The following LMO2 variants were observed in gnomAD, a reference collection of about 807,000 sequenced individuals.
LMO2 encodes LIM domain only 2, also known as rhombotin-2.
In LMO2, 20 loss-of-function variants were observed where a neutral mutation model predicts 23.2. That is an observed-to-expected ratio of 0.86 (90% CI 0.61 to 1.25). The LOEUF is 1.25. Ranked by LOEUF, LMO2 falls within the 50% of genes most tolerant of loss-of-function variation. The pLI is 0.00. For missense variants in LMO2, 270 were observed against 315.3 expected (o/e 0.86, Z 1.09); for synonymous variants, 123 against 130.2 (o/e 0.94, Z 0.38).
chr11:33,875,807 C>T (rs1359783030), intron 2 of LMO2, among the ~76,000 whole-genome samples: 2 of 152,194 alleles, frequency 1.3e-5, no homozygotes, highest in East Asian at 3.9e-4. Context: ...TCTTTGTGCT[C>T]TTTGTTTAGG....
rs1277246003 is a variant in LMO2 at position 33,859,402 on chromosome 11, C to T, written c.638G>A (p.Cys213Tyr). The T allele has an allele frequency of 6.2e-7, 1 of 1,614,050 alleles. No homozygotes were observed. Residue 213 changes from cysteine to tyrosine, a missense_variant, in exon 6 of 6, where the codon TGC (cysteine) becomes TAC (tyrosine). Transcript: ENST00000257818. Reference protein sequence around the residue: ...RYLLINSDIVCEQDIYEWTKI... With the variant: ...RYLLINSDIVYEQDIYEWTKI... The stretch of plus-strand genomic sequence containing the variant: ...AGTCCACTCGTAGATGTCCTGTTCG[C>T]ACACTATGTCAGAGTTGATGAGGAG...
At chr11:33,872,771 T>G (rs190136682) in intron 2 of LMO2, among the ~76,000 whole-genome samples, 2 of 152,258 alleles carry the variant, frequency 1.3e-5, no homozygotes, top group East Asian at 3.9e-4. Flanking sequence ...TTTGTTTGTT[T>G]GTTTTTTGAG....
At position 33,869,832 on chromosome 11, in the gene LMO2, C is replaced by T; in HGVS notation, c.-116G>A. 9.3e-7 allele frequency: 1 copy of T among 1,072,812 alleles called. No individual in the cohort carries two copies. Among genetic ancestry groups the T allele is most frequent in the East Asian group, 6.1e-5 (1 of 16,434 alleles). 66.5% of individuals were successfully genotyped at this position (1,072,812 alleles called of 1,614,324 possible). ...GCCCGGAGCCCCTCGCACCTTCGGC[C>T]CGGGTCGCGGCGCGCTGCTCGCCGC... is the stretch of plus-strand genomic sequence containing the variant. On this transcript the variant is annotated 5_prime_UTR_variant, in exon 3 of 6. Coordinates refer to ENST00000257818, the MANE Select transcript of LMO2 (RefSeq NM_005574.4).
At chr11:33,883,891 G>T (rs1401420479) in intron 1 of LMO2, among the ~76,000 whole-genome samples, 2 of 152,186 alleles carry the variant, frequency 1.3e-5, no homozygotes, top group Non-Finnish European at 2.9e-5. Flanking sequence ...AACAGAGCAG[G>T]TGTGTCTGGT....
At chr11:33,869,230 G>A in intron 4 of LMO2, 116 bp downstream of exon 4, 1 of 709,200 alleles carries the variant, frequency 1.4e-6, no homozygotes, top group South Asian at 6.7e-5. Context: ...GGGGGCCAAG[G>A]GCACGCCGCG....
intron 1 of LMO2, among the ~76,000 whole-genome samples, chr11:33,887,492 C>T (rs980274452): frequency 6.6e-6 from 1 of 151,198 alleles, no homozygotes; most frequent in Non-Finnish European, 1.5e-5. Flanking sequence ...AACGTAAATG[C>T]AGCATCTTAT....
intron 5 of LMO2, among the ~76,000 whole-genome samples, chr11:33,862,217 C>T (rs1229776697): frequency 6.6e-6 from 1 of 152,120 alleles, no homozygotes; most frequent in African/African-American, 2.4e-5. Context: ...GGGGAGGGAC[C>T]CTGGAATATA....
intron 2 of LMO2, chr11:33,870,257 T>G (rs1041397878): frequency 2.8e-6 from 2 of 705,416 alleles, no homozygotes; most frequent in African/African-American, 3.9e-5. Flanking sequence ...CTCTTCCGCC[T>G]TTCCCTTTTG....
chr11:33,877,395 G>A (rs949169044), intron 2 of LMO2, among the ~76,000 whole-genome samples: 1 of 151,768 alleles, frequency 6.6e-6, no homozygotes, highest in Non-Finnish European at 1.5e-5. Context: ...AGGGCACTGA[G>A]CCTGGCAGGG....
At chr11:33,886,023 C>T (rs1264570235) in intron 1 of LMO2, among the ~76,000 whole-genome samples, 2 of 152,140 alleles carry the variant, frequency 1.3e-5, no homozygotes, top group African/African-American at 2.4e-5. Context: ...TTGCAGGTGC[C>T]CACCACCAAG....
chr11:33,860,066 A>T (rs893898618), intron 5 of LMO2, among the ~76,000 whole-genome samples: 4 of 152,094 alleles, frequency 2.6e-5, no homozygotes, highest in African/African-American at 9.7e-5. Context: ...CACTGATTCT[A>T]CCCATGGGGA....
At chr11:33,874,425 C>G (rs779366132) in intron 2 of LMO2, among the ~76,000 whole-genome samples, 4 of 152,206 alleles carry the variant, frequency 2.6e-5, no homozygotes, top group Non-Finnish European at 5.9e-5. Context: ...AGGATGGAGG[C>G]AATCATAATG....
intron 2 of LMO2, among the ~76,000 whole-genome samples, chr11:33,877,556 C>T (rs890428156): frequency 1.3e-5 from 2 of 150,476 alleles, no homozygotes; most frequent in Non-Finnish European, 3.0e-5. Flanking sequence ...CCTCTGCCTC[C>T]CGGTTTCAAG....
At chr11:33,870,480 G>A in intron 2 of LMO2, 1 of 978,664 alleles carries the variant, frequency 1.0e-6, no homozygotes, top group Non-Finnish European at 1.2e-6. Context: ...GCCCCAGGCT[G>A]CGGGCTCCGG....
chr11:33,861,992 G>A (rs1489998675), intron 5 of LMO2, among the ~76,000 whole-genome samples: 1 of 152,168 alleles, frequency 6.6e-6, no homozygotes, highest in Non-Finnish European at 1.5e-5. Context: ...TAAAAAATAA[G>A]CCGGGACTTG....
chr11:33,881,760 A>G (rs1266822136), intron 2 of LMO2, 64 bp downstream of exon 2: 5 of 229,174 alleles, frequency 2.2e-5, no homozygotes, highest in Non-Finnish European at 4.4e-5. Context: ...TCTGGCATGC[A>G]GGAAGCATAC....
intron 2 of LMO2, among the ~76,000 whole-genome samples, chr11:33,875,111 A>G (rs577714731): frequency 6.6e-6 from 1 of 151,442 alleles, no homozygotes; most frequent in African/African-American, 2.4e-5. Flanking sequence ...ATGTTGCCCA[A>G]CCTCTCTGCA....
intron 1 of LMO2, among the ~76,000 whole-genome samples, chr11:33,887,727 T>G (rs758623760): frequency 1.9e-4 from 29 of 152,010 alleles, no homozygotes; most frequent in Non-Finnish European, 3.8e-4. Context: ...TTTGTTTTGT[T>G]TTTTGTTTGT....
chr11:33,885,085 C>G (rs1183723070), intron 1 of LMO2, among the ~76,000 whole-genome samples: 1 of 152,128 alleles, frequency 6.6e-6, no homozygotes, highest in Non-Finnish European at 1.5e-5. Context: ...CTGTGACCAG[C>G]AGGGTTAAAT....
Sources: gnomAD v4.1 joint callset for allele counts (sites outside exome capture counted in the v4.1 genomes callset) on GRCh38, gnomAD v4.1.1 for gene constraint, MANE v1.5 for transcripts, NCBI Gene and HGNC (gene_info 2026-07-23, HGNC 2026-07-21) for gene names.